Variants in NEU3 observed in about 807,000 individuals in gnomAD.
NEU3 encodes sialidase-3.
A neutral mutation model predicts 11.4 loss-of-function variants in NEU3; 10 were observed. The ratio of observed to expected loss-of-function variants is 0.88; its 90% CI spans 0.54 to 1.49. NEU3 has a LOEUF of 1.49. Among genes scored for constraint, NEU3 ranks in the 40% most tolerant of loss-of-function variants. The pLI, the probability that NEU3 is intolerant of heterozygous loss-of-function variation, is 0.00. For missense variants in NEU3, 529 were observed against 581.8 expected, an observed-to-expected ratio of 0.91 and a Z score of 0.93; for synonymous variants, 212 against 228.2, an observed-to-expected ratio of 0.93 and a Z score of 0.64.
downstream of NEU3, among the ~76,000 whole-genome samples, chr11:75,011,368 G>A (rs1948954485): frequency 6.6e-6 from 1 of 152,128 alleles, no homozygotes; most frequent in African/African-American, 2.4e-5. Context: ...CCATTGAGAC[G>A]TTTAAGGCAC....
At chr11:75,000,582 A>G (rs1440184399) in intron 2 of NEU3, among the ~76,000 whole-genome samples, 1 of 151,948 alleles carries the variant, frequency 6.6e-6, no homozygotes, top group Non-Finnish European at 1.5e-5. Context: ...TTAAGGCTGA[A>G]TAATATATCA....
upstream of NEU3, among the ~76,000 whole-genome samples, chr11:74,985,973 T>A (rs1948663680): frequency 6.6e-6 from 1 of 152,228 alleles, no homozygotes; most frequent in Admixed American, 6.5e-5. Flanking sequence ...AACTGGTGAC[T>A]GGGAACACTT....
chr11:75,006,059 G>T lies in NEU3; in HGVS notation c.953G>T (p.Ser318Ile). 2 of 1,614,012 alleles carry T rather than the reference G, an allele frequency of 1.2e-6. No individual in the cohort carries two copies. The highest frequency in any genetic ancestry group is 1.7e-6 in the Non-Finnish European group (2 of 1,179,890). Residue 318 changes from serine to isoleucine, a missense_variant, in exon 3 of 3, where the codon AGT (serine) becomes ATT (isoleucine). Transcript: ENST00000294064. ...PPHGCQGSVV[S>I]FRPLEIPHRC... Reference sequence around the variant, plus strand: ...CATGGTTGCCAAGGGAGTGTGGTAAGTTTCCGGCCCCTGGAGATCCCACAT... The same window carrying T: ...CATGGTTGCCAAGGGAGTGTGGTAATTTTCCGGCCCCTGGAGATCCCACAT...
intron 2 of NEU3, among the ~76,000 whole-genome samples, chr11:75,003,887 CAA>C (rs879624366): frequency 7.3e-6 from 1 of 136,238 alleles, no homozygotes; most frequent in Non-Finnish European, 1.6e-5. Context: ...GACTCCATCT[CAA>C]AAAAAAAAAA....
At chr11:75,017,585 G>A (rs1012979391) in intron 3 of NEU3, among the ~76,000 whole-genome samples, 3 of 152,164 alleles carry the variant, frequency 2.0e-5, no homozygotes, top group African/African-American at 7.2e-5. Context: ...GTCCGAGGTA[G>A]GCTAATCATG....
downstream of NEU3, among the ~76,000 whole-genome samples, chr11:75,019,459 G>C (rs1222080459): frequency 6.6e-6 from 1 of 152,220 alleles, no homozygotes; most frequent in Non-Finnish European, 1.5e-5. Flanking sequence ...GGCTGAAAGG[G>C]GCCAATGTAG....
At chr11:74,999,126 ACTGT>A (rs1414040796) in intron 2 of NEU3, among the ~76,000 whole-genome samples, 4 of 139,498 alleles carry the variant, frequency 2.9e-5, no homozygotes, top group African/African-American at 5.0e-5. Flanking sequence ...TTAAATTTTA[ACTGT>A]CTGTTTGTCT....
Position 75,005,662 on chromosome 11 carries a change from C to T in NEU3, c.556C>T (p.Leu186=), listed in dbSNP as rs1160800310. 5 of 1,614,024 alleles carry T rather than the reference C, an allele frequency of 3.1e-6. No homozygotes were observed. The South Asian group carries it at 5.5e-5, about 18-fold the overall frequency. ...GACTGAGGAGGTCATTGGCTCAGAG[C>T]TGAAGCACTGGGCCACATTTGCTGT... ...DLTEEVIGSE[L]KHWATFAVGP... The change falls in exon 3 of 3, where the codon CTG becomes TTG. Residue 186 remains leucine (L), a synonymous_variant. Coordinates refer to ENST00000294064, the MANE Select transcript of NEU3 (RefSeq NM_006656.6).
At position 75,008,524 on chromosome 11, in the gene NEU3, G is replaced by A. The variant is rs1175753112; in HGVS notation, c.*2032G>A. ...AGGATGGCCAAGTCGTACAACCAGG[G>A]CTAAAGGATGAAAAGAATGAGAATA... On this transcript the variant is annotated 3_prime_UTR_variant, in exon 3 of 3. Coordinates refer to ENST00000294064, the MANE Select transcript of NEU3 (RefSeq NM_006656.6). 6.6e-6 allele frequency: 1 copy of A among 151,646 alleles called. No homozygotes were observed. The highest frequency in any genetic ancestry group is 1.5e-5 in the Non-Finnish European group (1 of 68,004). The allele number at this position is 151,646 out of a possible 1,614,324, so 9.4% of individuals were successfully genotyped here.
At chr11:75,005,374 T>C (rs766686791) in intron 2 of NEU3, 39 bp from the exon 3 acceptor site, 2 of 1,504,362 alleles carry the variant, frequency 1.3e-6, no homozygotes, top group Admixed American at 5.0e-5. Flanking sequence ...GTTTTCCTAT[T>C]AGTATCTCAC....
the NEU3 span, among the ~76,000 whole-genome samples, chr11:74,982,462 G>A: frequency 2.0e-5 from 3 of 152,276 alleles, no homozygotes; most frequent in East Asian, 3.9e-4. Context: ...AACACTCAGC[G>A]TTCCTGGCAG....
At chr11:74,993,706 C>T (rs945750599) in intron 1 of NEU3, among the ~76,000 whole-genome samples, 10 of 152,132 alleles carry the variant, frequency 6.6e-5, no homozygotes, top group East Asian at 1.9e-4. Flanking sequence ...TTATGGAGTC[C>T]GAGAAATCCA....
chr11:74,987,813 A>AAAAAAT (rs747792727), upstream of NEU3, among the ~76,000 whole-genome samples: 3 of 151,696 alleles, frequency 2.0e-5, no homozygotes, highest in Non-Finnish European at 1.5e-5. Flanking sequence ...ACTCCATCTC[A>AAAAAAT]AAAAATAAAA....
chr11:74,984,838 G>A (rs1948656335), upstream of NEU3, among the ~76,000 whole-genome samples: 1 of 152,160 alleles, frequency 6.6e-6, no homozygotes, highest in Non-Finnish European at 1.5e-5. Flanking sequence ...GCTTGAAAAG[G>A]AGTATTTGTT....
At chr11:74,987,893 T>TTTG (rs1948685929), upstream of NEU3, among the ~76,000 whole-genome samples, 1 of 17,896 alleles carries the variant, frequency 5.6e-5, no homozygotes, top group African/African-American at 1.6e-4. Context: ...GGCCTTTTTT[T>TTTG]TTTTCTTTTT....
Position 75,010,666 on chromosome 11 carries a change from G to A in NEU3, c.*4174G>A, listed in dbSNP as rs181547211. 1.9e-3 allele frequency: 294 copies of A among 152,272 alleles called. 3 individuals are homozygous for A. Among genetic ancestry groups the A allele is most frequent in the African/African-American group, 6.6e-3 (275 of 41,552 alleles). The allele number at this position is 152,272 out of a possible 1,614,324, so 9.4% of individuals were successfully genotyped here. Reference sequence around the variant, plus strand: ...AATTTATGGCCTATTCCAGAAGAGTGAGCAGCCTAATCAAGCCAAGCCTTG... The same window carrying A: ...AATTTATGGCCTATTCCAGAAGAGTAAGCAGCCTAATCAAGCCAAGCCTTG... On this transcript the variant is annotated 3_prime_UTR_variant, in exon 3 of 3. Coordinates refer to ENST00000294064, the MANE Select transcript of NEU3 (RefSeq NM_006656.6).
chr11:74,999,747 C>G (rs1453564745), intron 2 of NEU3, among the ~76,000 whole-genome samples: 2 of 152,216 alleles, frequency 1.3e-5, no homozygotes, highest in Non-Finnish European at 2.9e-5. Flanking sequence ...ATGAGATGAT[C>G]TCTACTTCTC....
chr11:74,983,224 GTT>G, the NEU3 span, among the ~76,000 whole-genome samples: 1 of 152,100 alleles, frequency 6.6e-6, no homozygotes, highest in African/African-American at 2.4e-5. Context: ...ATGTACTGCT[GTT>G]TTATGGCTTT....
downstream of NEU3, among the ~76,000 whole-genome samples, chr11:75,015,737 T>G: frequency 6.6e-6 from 1 of 152,242 alleles, no homozygotes; most frequent in African/African-American, 2.4e-5. Flanking sequence ...CTGTTACTAC[T>G]ACTGTTCCTA....
Sources: allele counts gnomAD v4.1 joint callset (sites outside exome capture counted in the v4.1 genomes callset), GRCh38; gene constraint gnomAD v4.1.1; transcripts MANE v1.5; gene names NCBI Gene and HGNC (gene_info 2026-07-23, HGNC 2026-07-21).